Variants in COTL1 observed in about 807,000 individuals in gnomAD.
COTL1 encodes the protein coactosin-like protein.
Under a neutral mutation model 16.5 loss-of-function variants are expected in COTL1, and 15 were observed. The observed-to-expected ratio is 0.91, with a 90% CI of 0.61 to 1.40. COTL1 has a LOEUF of 1.40. Ranked by LOEUF, COTL1 falls within the 40% of genes most tolerant of loss-of-function variation. The probability of loss-of-function intolerance (pLI) is 0.00; values close to 1 mark genes in which losing one functional copy is unlikely to be tolerated. For missense variants in COTL1, 220 were observed against 201.5 expected (o/e 1.09, Z -0.56); for synonymous variants, 112 against 85.3 (o/e 1.31, Z -1.73).
At chr16:84,583,613 T>C (rs193006396) in intron 3 of COTL1, among the ~76,000 whole-genome samples, 10 of 152,144 alleles carry the variant, frequency 6.6e-5, no homozygotes, top group African/African-American at 2.2e-4. Context: ...TGCGACACCA[T>C]GCCCCAGCTA....
chr16:84,593,145 C>T (rs931195439), intron 2 of COTL1, among the ~76,000 whole-genome samples: 1 of 152,362 alleles, frequency 6.6e-6, no homozygotes, highest in Admixed American at 6.5e-5. Context: ...AGACTCTCAA[C>T]ACGAGGCCAG....
chr16:84,585,844 C>A (rs1260497002), intron 3 of COTL1, among the ~76,000 whole-genome samples: 2 of 152,194 alleles, frequency 1.3e-5, no homozygotes, highest in Non-Finnish European at 2.9e-5. Context: ...GTGGAAAATG[C>A]AAATGATAAT....
intron 3 of COTL1, 154 bp from the exon 4 acceptor site, chr16:84,567,109 A>T (rs1420762436): frequency 4.9e-6 from 3 of 612,318 alleles, no homozygotes; most frequent in Non-Finnish European, 8.9e-6. Flanking sequence ...ATGGAAATTC[A>T]GCAGCAGAGT....
At chr16:84,583,875 C>A (rs1904658438) in intron 3 of COTL1, among the ~76,000 whole-genome samples, 1 of 152,140 alleles carries the variant, frequency 6.6e-6, no homozygotes, top group South Asian at 2.1e-4. Context: ...CTCTGTTGTC[C>A]TCTGTTCCTG....
At chr16:84,579,799 T>C (rs2967846) in intron 3 of COTL1, among the ~76,000 whole-genome samples, 52,963 of 152,020 alleles carry the variant, frequency 0.35, 10,079 homozygotes, top group African/African-American at 0.5. Flanking sequence ...AAGTATGCAG[T>C]GGTCCAGGGA....
At chr16:84,580,689 C>G (rs1294613458) in intron 3 of COTL1, among the ~76,000 whole-genome samples, 9 of 152,202 alleles carry the variant, frequency 5.9e-5, no homozygotes, top group Non-Finnish European at 1.3e-4. Flanking sequence ...AAGAACTAGT[C>G]CTCCCTAAGC....
At chr16:84,611,685 G>A (rs1280362395) in intron 2 of COTL1, among the ~76,000 whole-genome samples, 21 of 152,180 alleles carry the variant, frequency 1.4e-4, no homozygotes, top group Admixed American at 8.5e-4. Context: ...AATAAACACA[G>A]GAAGGAACAA....
chr16:84,614,267 C>T (rs1905411088), intron 2 of COTL1, among the ~76,000 whole-genome samples: 1 of 152,138 alleles, frequency 6.6e-6, no homozygotes, highest in Non-Finnish European at 1.5e-5. Context: ...GGGCAGGCAG[C>T]GAGGAAGGCC....
At chr16:84,570,542 T>C (rs1208220282) in intron 3 of COTL1, among the ~76,000 whole-genome samples, 2 of 149,496 alleles carry the variant, frequency 1.3e-5, no homozygotes, top group African/African-American at 4.9e-5. Context: ...AATCAAAAGA[T>C]TAGCAGAAAA....
chr16:84,601,418 A>T lies in COTL1; in HGVS notation c.161-11156T>A. ...CCGCTCTGCCTGGGCAGCTGTGACC[A>T]GGACTGGCTTTGCAGAGGAGGTGAT... On this transcript the variant is annotated intron_variant, in intron 2 of 3. Transcript: ENST00000262428. Among the ~76,000 whole-genome samples, 2 of 152,312 alleles carry T rather than the reference A, an allele frequency of 1.3e-5. 1 individual carries two copies. The highest frequency in any genetic ancestry group is 4.1e-4 in the South Asian group (2 of 4,826).
chr16:84,577,313 C>T (rs528973212), intron 3 of COTL1, among the ~76,000 whole-genome samples: 2 of 152,306 alleles, frequency 1.3e-5, no homozygotes, highest in South Asian at 2.1e-4. Flanking sequence ...GGTACCATCT[C>T]GGCTCACTGC....
At chr16:84,605,623 T>G (rs774495370) in intron 2 of COTL1, among the ~76,000 whole-genome samples, 4 of 152,192 alleles carry the variant, frequency 2.6e-5, no homozygotes, top group Non-Finnish European at 4.4e-5. Context: ...GGACTCGACC[T>G]GCCAGTACTG....
At chr16:84,587,282 T>G (rs964805493) in intron 3 of COTL1, among the ~76,000 whole-genome samples, 1 of 152,166 alleles carries the variant, frequency 6.6e-6, no homozygotes, top group South Asian at 2.1e-4. Context: ...TGTCAGCATT[T>G]CCTCGGTCCC....
intron 2 of COTL1, among the ~76,000 whole-genome samples, chr16:84,603,440 C>G (rs1447036102): frequency 6.6e-6 from 1 of 152,162 alleles, no homozygotes; most frequent in African/African-American, 2.4e-5. Flanking sequence ...GCCGTAAACA[C>G]AGGGGGACCC....
intron 2 of COTL1, among the ~76,000 whole-genome samples, chr16:84,613,836 C>A (rs929545942): frequency 1.3e-5 from 2 of 151,898 alleles, no homozygotes; most frequent in African/African-American, 4.8e-5. Context: ...CCGCCCCCCA[C>A]CCACTCCAGA....
At chr16:84,588,824 G>A (rs1020944799) in intron 3 of COTL1, among the ~76,000 whole-genome samples, 2 of 151,830 alleles carry the variant, frequency 1.3e-5, no homozygotes, top group East Asian at 1.9e-4. Flanking sequence ...GCCCGTTTTT[G>A]TTTTTGACAA....
chr16:84,604,084 C>T (rs1024823747), intron 2 of COTL1, among the ~76,000 whole-genome samples: 1 of 138,490 alleles, frequency 7.2e-6, no homozygotes, highest in African/African-American at 2.8e-5. Flanking sequence ...CCATACTCCC[C>T]AACCGCCTTC....
At chr16:84,607,378 G>T (rs1014454414) in intron 2 of COTL1, among the ~76,000 whole-genome samples, 4 of 152,062 alleles carry the variant, frequency 2.6e-5, no homozygotes, top group African/African-American at 9.7e-5. Context: ...CTCGGACACA[G>T]ATCTGGATTC....
intron 2 of COTL1, among the ~76,000 whole-genome samples, chr16:84,606,849 T>A (rs1320701015): frequency 6.6e-6 from 1 of 152,194 alleles, no homozygotes; most frequent in African/African-American, 2.4e-5. Context: ...CAGCAGTAAC[T>A]GTAGGATTCT....
Sources: allele counts gnomAD v4.1 joint callset (sites outside exome capture counted in the v4.1 genomes callset), GRCh38; gene constraint gnomAD v4.1.1; transcripts MANE v1.5; gene names NCBI Gene and HGNC (gene_info 2026-07-23, HGNC 2026-07-21).